EFHD1: variants seen among roughly 807,000 people sequenced by gnomAD.
The protein encoded by EFHD1 is EF-hand domain-containing protein D1.
Under a neutral mutation model 17.2 loss-of-function variants are expected in EFHD1, and 10 were observed. The observed-to-expected ratio is 0.58, with a 90% confidence interval of 0.36 to 0.99. The LOEUF (loss-of-function observed/expected upper bound fraction) is 0.99, where lower values mean the gene tolerates loss of function less well. Among genes scored for constraint, EFHD1 ranks in the 50% least tolerant of loss-of-function variants. The pLI, the probability that EFHD1 is intolerant of heterozygous loss-of-function variation, is 0.01. For missense variants in EFHD1, 310 were observed against 327.5 expected (o/e 0.95, Z 0.41); for synonymous variants, 153 against 142.0 (o/e 1.08, Z -0.55).
At chr2:232,678,365 G>A (rs1357741182) in intron 3 of EFHD1, among the ~76,000 whole-genome samples, 2 of 152,130 alleles carry the variant, frequency 1.3e-5, no homozygotes, top group African/African-American at 2.4e-5. Flanking sequence ...ATTTGAAAAT[G>A]TTGCGATCAT....
intron 2 of EFHD1, among the ~76,000 whole-genome samples, chr2:232,671,136 T>G: frequency 6.6e-6 from 1 of 152,014 alleles, no homozygotes; most frequent in Middle Eastern, 3.2e-3. Context: ...AGTAAACATT[T>G]CCAAAGTGCC....
intron 1 of EFHD1, among the ~76,000 whole-genome samples, chr2:232,634,443 A>G (rs916778655): frequency 1.3e-5 from 2 of 152,230 alleles, no homozygotes; most frequent in African/African-American, 4.8e-5. Context: ...ACAAAAGGGG[A>G]AAGTTAATCC....
intron 1 of EFHD1, among the ~76,000 whole-genome samples, chr2:232,613,574 T>G (rs867901224): frequency 1.4e-4 from 21 of 151,092 alleles, no homozygotes; most frequent in African/African-American, 4.9e-4. Context: ...ATCCATCCAA[T>G]GAACTACTGC....
chr2:232,626,446 G>A (rs1014996148), intron 1 of EFHD1, among the ~76,000 whole-genome samples: 5 of 152,034 alleles, frequency 3.3e-5, no homozygotes, highest in African/African-American at 1.2e-4. Context: ...TACTCTGGAA[G>A]CTGAGGCATG....
At chr2:232,617,958 A>AT (rs948931355) in intron 1 of EFHD1, among the ~76,000 whole-genome samples, 17 of 152,016 alleles carry the variant, frequency 1.1e-4, no homozygotes, top group African/African-American at 4.1e-4. Flanking sequence ...AAAAAAAAAA[A>AT]AGAATATATT....
intron 1 of EFHD1, among the ~76,000 whole-genome samples, chr2:232,644,150 T>A (rs990254500): frequency 3.9e-5 from 6 of 152,152 alleles, no homozygotes; most frequent in Non-Finnish European, 8.8e-5. Flanking sequence ...CCAAAGAGCC[T>A]GGCATGGTGG....
rs1694096382 is a variant in EFHD1, at chr2:232,625,842, T to C, written c.14+19669T>C. 2.0e-5 allele frequency among the ~76,000 whole-genome samples: 3 copies of C among 152,058 alleles called. 1 individual carries two copies. In the South Asian group the frequency reaches 6.2e-4, roughly 31 times the overall value. The stretch of plus-strand genomic sequence containing the variant: ...TGGCATCAAACTATACCAGGAGTTA[T>C]TGTACTCTTCACCATCATACACTCC... On this transcript the variant is annotated intron_variant, in intron 1 of 3. Transcript: ENST00000409613.
chr2:232,631,706 A>AAC (rs1334559704), upstream of EFHD1, among the ~76,000 whole-genome samples: 1 of 138,078 alleles, frequency 7.2e-6, no homozygotes, highest in African/African-American at 3.1e-5. Flanking sequence ...AAAAAAAAAA[A>AAC]CAAAAACAAA....
intron 1 of EFHD1, among the ~76,000 whole-genome samples, chr2:232,627,014 G>GTCTCTC (rs34012045): frequency 0.048 from 3,315 of 69,324 alleles, 121 homozygotes; most frequent in Middle Eastern, 0.066. Context: ...GTGAGATCCT[G>GTCTCTC]TCTCTCTCTC....
chr2:232,679,786 G>A (rs1695243517), intron 3 of EFHD1, among the ~76,000 whole-genome samples: 1 of 149,966 alleles, frequency 6.7e-6, no homozygotes, highest in South Asian at 2.1e-4. Context: ...CGTGGGCAAA[G>A]GATATAAATG....
At chr2:232,658,913 C>G (rs1257612538) in intron 1 of EFHD1, among the ~76,000 whole-genome samples, 2 of 152,124 alleles carry the variant, frequency 1.3e-5, no homozygotes, top group Non-Finnish European at 2.9e-5. Flanking sequence ...CTCAGTAAAG[C>G]TGTTTTTTAA....
chr2:232,629,752 A>G (rs1402605934), upstream of EFHD1, among the ~76,000 whole-genome samples: 6 of 151,872 alleles, frequency 4.0e-5, no homozygotes, highest in Non-Finnish European at 8.8e-5. Flanking sequence ...TATAGGCATG[A>G]GCCACCACGC....
intron 1 of EFHD1, among the ~76,000 whole-genome samples, chr2:232,638,850 A>C (rs887200521): frequency 3.3e-5 from 5 of 152,210 alleles, no homozygotes; most frequent in Non-Finnish European, 7.3e-5. Context: ...TCTCACCTGC[A>C]CTGGAGTTTG....
At chr2:232,664,796 G>A (rs1387071772) in intron 2 of EFHD1, among the ~76,000 whole-genome samples, 1 of 150,590 alleles carries the variant, frequency 6.6e-6, no homozygotes, top group Non-Finnish European at 1.5e-5. Flanking sequence ...CGTATTTTTA[G>A]TAGAGACGGG....
intron 1 of EFHD1, among the ~76,000 whole-genome samples, chr2:232,651,964 T>G (rs1251102530): frequency 6.6e-6 from 1 of 152,144 alleles, no homozygotes; most frequent in Non-Finnish European, 1.5e-5. Flanking sequence ...TCACCCAGCC[T>G]GGGGCAGAGC....
At chr2:232,649,616 AAAAT>A (rs1304488267) in intron 1 of EFHD1, among the ~76,000 whole-genome samples, 1 of 152,162 alleles carries the variant, frequency 6.6e-6, no homozygotes, top group Non-Finnish European at 1.5e-5. Flanking sequence ...CTACTTTAAA[AAAAT>A]AGCCTCCTCA....
intron 1 of EFHD1, among the ~76,000 whole-genome samples, chr2:232,662,253 C>A (rs564050338): frequency 6.6e-6 from 1 of 151,948 alleles, no homozygotes; most frequent in Non-Finnish European, 1.5e-5. Flanking sequence ...ACAAGACGAG[C>A]GAACCAGAGG....
intron 2 of EFHD1, among the ~76,000 whole-genome samples, chr2:232,665,196 A>G (rs994252424): frequency 6.6e-6 from 1 of 152,208 alleles, no homozygotes; most frequent in Admixed American, 6.5e-5. Flanking sequence ...ATTTTGAGAT[A>G]CTGGCATCCC....
intron 2 of EFHD1, among the ~76,000 whole-genome samples, chr2:232,667,540 A>AATTT (rs944462027): frequency 0.017 from 2,618 of 150,342 alleles, 76 homozygotes; most frequent in African/African-American, 0.056. Flanking sequence ...TTAATTAATT[A>AATTT]ATTTATTTAT....
Sources: gnomAD v4.1 joint callset for allele counts (sites outside exome capture counted in the v4.1 genomes callset) on GRCh38, gnomAD v4.1.1 for gene constraint, MANE v1.5 for transcripts, NCBI Gene and HGNC (gene_info 2026-07-23, HGNC 2026-07-21) for gene names.